Variants in HERC3 observed in about 807,000 individuals in gnomAD.
HERC3 encodes the protein probable E3 ubiquitin-protein ligase HERC3.
A neutral mutation model predicts 129.9 loss-of-function variants in HERC3; 58 were observed. That is an observed-to-expected ratio of 0.45 (90% confidence interval 0.36 to 0.56). The LOEUF is 0.56. HERC3 is among the 20% of genes least tolerant of loss of function. The pLI is 0.00. For missense variants in HERC3, 835 were observed against 1,244.2 expected, an observed-to-expected ratio of 0.67 and a Z score of 4.95; for synonymous variants, 430 against 451.0, an observed-to-expected ratio of 0.95 and a Z score of 0.59.
the HERC3 span, among the ~76,000 whole-genome samples, chr4:88,544,152 A>C: frequency 1.3e-5 from 2 of 152,202 alleles, no homozygotes; most frequent in Non-Finnish European, 2.9e-5. Flanking sequence ...AATGGGAGAA[A>C]ATTTTTGCAG....
chr4:88,644,594 G>T (rs1055974909), intron 3 of HERC3, among the ~76,000 whole-genome samples: 1 of 152,164 alleles, frequency 6.6e-6, no homozygotes, highest in African/African-American at 2.4e-5. Flanking sequence ...GTTGTCAGGG[G>T]TTAAGGATGA....
chr4:88,694,728 G>A (rs1734417152), intron 23 of HERC3, among the ~76,000 whole-genome samples: 1 of 152,106 alleles, frequency 6.6e-6, no homozygotes, highest in Admixed American at 6.5e-5. Context: ...GTGATATTCA[G>A]TCTTACTATC....
At chr4:88,657,987 G>A (rs1456771480) in intron 9 of HERC3, among the ~76,000 whole-genome samples, 2 of 152,206 alleles carry the variant, frequency 1.3e-5, no homozygotes, top group African/African-American at 2.4e-5. Flanking sequence ...CGTGGACACA[G>A]TGTGATGGGA....
intron 19 of HERC3, 92 bp downstream of exon 19, chr4:88,678,226 G>T: frequency 1.8e-6 from 2 of 1,118,414 alleles, no homozygotes; most frequent in Non-Finnish European, 1.3e-6. Context: ...AAAATTGTGG[G>T]GTGCAGCCAT....
At chr4:88,548,997 C>G in the HERC3 span, among the ~76,000 whole-genome samples, 1 of 152,072 alleles carries the variant, frequency 6.6e-6, no homozygotes, top group African/African-American at 2.4e-5. Context: ...CTTTGCAGTA[C>G]AGTTTTTCTA....
intron 21 of HERC3, 140 bp from the exon 22 acceptor site, chr4:88,686,596 T>C: frequency 1.7e-6 from 1 of 573,742 alleles, no homozygotes; most frequent in Admixed American, 2.9e-5. Flanking sequence ...TGATTTTCTG[T>C]CCGTCCGGAT....
At chr4:88,612,289 C>CTTTGTGTGTG (rs1553931441) in intron 3 of HERC3, among the ~76,000 whole-genome samples, 5 of 141,598 alleles carry the variant, frequency 3.5e-5, no homozygotes, top group Non-Finnish European at 7.7e-5. Flanking sequence ...ATGTGACCAA[C>CTTTGTGTGTG]TGTGTGTGTG....
chr4:88,645,106 C>T (rs1383987870), intron 3 of HERC3, among the ~76,000 whole-genome samples: 1 of 152,106 alleles, frequency 6.6e-6, no homozygotes, highest in South Asian at 2.1e-4. Flanking sequence ...ATCACCCAGA[C>T]TTTCAATAAA....
At chr4:88,698,709 CTA>C (rs1048802297) in intron 23 of HERC3, among the ~76,000 whole-genome samples, 7 of 151,942 alleles carry the variant, frequency 4.6e-5, no homozygotes, top group African/African-American at 1.5e-4. Context: ...GCCTTCCCCA[CTA>C]TCTGTTTTCA....
the HERC3 span, among the ~76,000 whole-genome samples, chr4:88,548,462 CT>C: frequency 1.3e-5 from 2 of 152,060 alleles, no homozygotes; most frequent in Admixed American, 1.3e-4. Flanking sequence ...TGTTGAGCAT[CT>C]TTTTTTCATC....
chr4:88,619,820 C>T (rs1725320189), intron 3 of HERC3, among the ~76,000 whole-genome samples: 1 of 152,038 alleles, frequency 6.6e-6, no homozygotes, highest in Non-Finnish European at 1.5e-5. Flanking sequence ...TTGCAAATGG[C>T]CAGTGAATTT....
the HERC3 span, among the ~76,000 whole-genome samples, chr4:88,556,301 G>A: frequency 9.9e-5 from 15 of 152,126 alleles, no homozygotes; most frequent in African/African-American, 3.6e-4. Context: ...CTGTCCAAAA[G>A]CTTTCTGCAA....
At chr4:88,657,496 C>T (rs1263724548) in intron 9 of HERC3, 3 of 152,302 alleles carry the variant, frequency 2.0e-5, no homozygotes, top group East Asian at 1.9e-4. Context: ...TGTACTCATA[C>T]GTGGAATACA....
chr4:88,544,704 T>C, the HERC3 span, among the ~76,000 whole-genome samples: 8 of 152,048 alleles, frequency 5.3e-5, no homozygotes, highest in African/African-American at 9.7e-5. Context: ...ATTAAGAAAA[T>C]GTGGCACATA....
At chr4:88,530,219 C>A in the HERC3 span, among the ~76,000 whole-genome samples, 1 of 151,520 alleles carries the variant, frequency 6.6e-6, no homozygotes, top group Admixed American at 6.6e-5. Flanking sequence ...GAACCAGGGA[C>A]GTGGAGGTTG....
At position 88,605,904 on chromosome 4, in the gene HERC3, G is replaced by A; in HGVS notation, c.81G>A (p.Val27=). The change falls in exon 3 of 26, where the codon GTG becomes GTA. Residue 27 remains valine (V), a synonymous_variant. Transcript: ENST00000402738. ...AGGGAATTGTGGCTGAGCCCCAGGT[G>A]TGTGGGTTCATATCTGACAGAAGTG... ...NLQGIVAEPQ[V]CGFISDRSVK... 1 of 1,614,224 alleles carries A rather than the reference G, an allele frequency of 6.2e-7. No individual in the cohort carries two copies. Among genetic ancestry groups the A allele is most frequent in the South Asian group, 1.1e-5 (1 of 91,084 alleles).
chr4:88,572,411 G>A, the HERC3 span, among the ~76,000 whole-genome samples: 1 of 150,916 alleles, frequency 6.6e-6, no homozygotes, highest in Non-Finnish European at 1.5e-5. Context: ...GGGTGACAGA[G>A]CAAAACCCTG....
At chr4:88,548,601 T>C in the HERC3 span, among the ~76,000 whole-genome samples, 3 of 152,250 alleles carry the variant, frequency 2.0e-5, no homozygotes, top group Middle Eastern at 3.4e-3. Flanking sequence ...ATATTCTGGA[T>C]ACAATTTCAT....
At chr4:88,601,466 A>G (rs773338798) in intron 2 of HERC3, among the ~76,000 whole-genome samples, 15 of 152,262 alleles carry the variant, frequency 9.9e-5, no homozygotes, top group Non-Finnish European at 2.1e-4. Context: ...GACTTTGCAT[A>G]GAAGAGCCAA....
Sources: allele counts gnomAD v4.1 joint callset (sites outside exome capture counted in the v4.1 genomes callset), GRCh38; gene constraint gnomAD v4.1.1; transcripts MANE v1.5; gene names NCBI Gene and HGNC (gene_info 2026-07-23, HGNC 2026-07-21).